MTF2: variants seen among roughly 807,000 people sequenced by gnomAD.
MTF2 encodes the protein metal response element binding transcription factor 2.
Under a neutral mutation model 79.5 loss-of-function variants are expected in MTF2, and 11 were observed. The ratio of observed to expected loss-of-function variants is 0.14; its 90% CI spans 0.09 to 0.23. The LOEUF is 0.23. MTF2 is among the 10% of genes least tolerant of loss of function. The pLI, the probability that MTF2 is intolerant of heterozygous loss-of-function variation, is 1.00. For missense variants in MTF2, 486 were observed against 711.2 expected (o/e 0.68, Z 3.60); for synonymous variants, 208 against 232.8 (o/e 0.89, Z 0.97).
At chr1:93,102,342 T>C (rs181920556) in intron 1 of MTF2, among the ~76,000 whole-genome samples, 71 of 152,226 alleles carry the variant, frequency 4.7e-4, no homozygotes, top group African/African-American at 1.4e-3. Flanking sequence ...CTCATGCTTA[T>C]AATCCCAGCA....
intron 5 of MTF2, 56 bp downstream of exon 5, chr1:93,115,144 A>G (rs1362255599): frequency 3.9e-6 from 5 of 1,290,216 alleles, no homozygotes; most frequent in African/African-American, 1.5e-5. Flanking sequence ...GACATTATCA[A>G]CATAATGATT....
Position 93,134,215 on chromosome 1 carries a change from A to T in MTF2, c.1424+20A>T, listed in dbSNP as rs896052736. 7.2e-6 allele frequency: 11 copies of T among 1,526,342 alleles called. No homozygotes were observed. The highest frequency in any genetic ancestry group is 5.7e-5 in the Admixed American group (3 of 52,820). The allele number at this position is 1,526,342 out of a possible 1,614,324, so 94.5% of individuals were successfully genotyped here. A position where few individuals can be genotyped will look rare whatever the true frequency, so the allele number is the denominator to read the frequency against. The stretch of plus-strand genomic sequence containing the variant: ...TTATGGGTAGATATTTTACATTCTT[A>T]TTTTTTTTACTTTTTTTACTCTAGA... On this transcript the variant is annotated intron_variant, in intron 14 of 14. Transcript: ENST00000370298.
intron 9 of MTF2, among the ~76,000 whole-genome samples, chr1:93,122,926 A>G (rs1055947413): frequency 6.6e-6 from 1 of 152,102 alleles, no homozygotes; most frequent in East Asian, 1.9e-4. Flanking sequence ...TTACTTTCAA[A>G]TGTTTGTAGT....
At position 93,136,722 on chromosome 1, in the gene MTF2, A is replaced by G. The variant is rs764649997; in HGVS notation, c.1477A>G (p.Ile493Val). Residue 493 changes from isoleucine (I) to valine (V), a missense_variant, in exon 15 of 15, where the codon ATA becomes GTA. This residue lies in a region of MTF2 where 209 missense variants were observed against 206.5 expected (regional missense o/e 1.01). Coordinates refer to ENST00000370298, the MANE Select transcript of MTF2 (RefSeq NM_007358.4). ...TRTGRSWPAA[I>V]PHLRRRRGRL... ...TACAGGAAGATCTTGGCCTGCTGCA[A>G]TACCACATTTGCGGAGAAGAAGAGG... 10 of 1,614,224 alleles carry G rather than the reference A, an allele frequency of 6.2e-6. No homozygotes were observed. In the East Asian group the frequency reaches 1.3e-4, roughly 22 times the overall value.
intron 3 of MTF2, among the ~76,000 whole-genome samples, chr1:93,111,367 C>T (rs901259403): frequency 3.3e-5 from 5 of 152,100 alleles, no homozygotes; most frequent in African/African-American, 1.2e-4. Context: ...CACTAAGACC[C>T]GTGTTTTGTG....
At chr1:93,082,720 A>G (rs770680123) in intron 1 of MTF2, among the ~76,000 whole-genome samples, 2 of 152,220 alleles carry the variant, frequency 1.3e-5, no homozygotes, top group Non-Finnish European at 2.9e-5. Flanking sequence ...TACATAATTC[A>G]CATGCATTCT....
At position 93,138,987 on chromosome 1, in the gene MTF2, A is replaced by G. The variant is rs1322678462; in HGVS notation, c.*1960A>G. ...CTGTTTTATTTTCTCATGGTGGTTC[A>G]CATGGCTCTGATGTTCAGTTTGTAT... On this transcript the variant is annotated 3_prime_UTR_variant, in exon 15 of 15. Transcript: ENST00000370298. 1.3e-5 allele frequency: 2 copies of G among 152,242 alleles called. No homozygotes were observed. Among genetic ancestry groups the G allele is most frequent in the African/African-American group, 4.8e-5 (2 of 41,468 alleles). 9.4% of individuals were successfully genotyped at this position (152,242 alleles called of 1,614,324 possible). A position where few individuals can be genotyped will look rare whatever the true frequency, so the allele number is the denominator to read the frequency against.
chr1:93,088,886 T>A (rs1028357723), intron 1 of MTF2, among the ~76,000 whole-genome samples: 13 of 152,096 alleles, frequency 8.5e-5, no homozygotes, highest in East Asian at 1.9e-4. Flanking sequence ...TTACAATTTT[T>A]AAAAAAATCT....
chr1:93,089,161 TG>T (rs1654970841), intron 1 of MTF2, among the ~76,000 whole-genome samples: 1 of 152,180 alleles, frequency 6.6e-6, no homozygotes, highest in Non-Finnish European at 1.5e-5. Context: ...AACTTGAGGT[TG>T]GGGAGGAGAA....
intron 1 of MTF2, among the ~76,000 whole-genome samples, chr1:93,109,817 G>T (rs1655959168): frequency 6.6e-6 from 1 of 152,116 alleles, no homozygotes; most frequent in Non-Finnish European, 1.5e-5. Flanking sequence ...GAAGTCACTG[G>T]TTAATGTGTC....
chr1:93,105,917 G>A (rs970045269), intron 1 of MTF2, among the ~76,000 whole-genome samples: 1 of 152,100 alleles, frequency 6.6e-6, no homozygotes, highest in East Asian at 1.9e-4. Context: ...CTCGTGATCT[G>A]CCCGACCCGT....
intron 6 of MTF2, 132 bp downstream of exon 6, chr1:93,115,750 ATC>A: frequency 1.6e-6 from 1 of 609,118 alleles, no homozygotes; most frequent in East Asian, 3.4e-5. Flanking sequence ...CAGGGGGAAA[ATC>A]TATTATTTTC....
chr1:93,089,007 C>T (rs571700290), intron 1 of MTF2, among the ~76,000 whole-genome samples: 101 of 152,172 alleles, frequency 6.6e-4, no homozygotes, highest in African/African-American at 1.6e-3. Flanking sequence ...GACTTTTTAT[C>T]GTACATTTTA....
At position 93,079,396 on chromosome 1, in the gene MTF2, G is replaced by C; in HGVS notation, c.-131G>C. The C allele has an allele frequency of 8.8e-7, 1 of 1,138,782 alleles. No individual in the cohort carries two copies. The highest frequency in any genetic ancestry group is 1.3e-6 in the Non-Finnish European group (1 of 758,888). The allele number at this position is 1,138,782 out of a possible 1,614,324, so 70.5% of individuals were successfully genotyped here. On this transcript the variant is annotated 5_prime_UTR_variant, in exon 1 of 15. Coordinates refer to ENST00000370298, the MANE Select transcript of MTF2 (RefSeq NM_007358.4). ...CTTGTCTCCAAGGACCTCGGTTTGT[G>C]CGTGCATATGTGCCGGGTACCCGGT...
rs544622598 is a variant in MTF2 at position 93,097,123 on chromosome 1, C to T, written c.6-13107C>T. On this transcript the variant is annotated intron_variant, in intron 1 of 14. Coordinates refer to ENST00000370298, the MANE Select transcript of MTF2 (RefSeq NM_007358.4). ...CTGCGCCTGGCCTAAAAGTATATGT[C>T]TTGATTTCCAAACTTTTAAGTTACC... Among the ~76,000 whole-genome samples, 8 of 152,106 alleles carry T rather than the reference C, an allele frequency of 5.3e-5. No homozygotes were observed. The South Asian group carries it at 1.7e-3, about 32-fold the overall frequency.
chr1:93,105,421 CAGAG>C (rs1306023518), intron 1 of MTF2, among the ~76,000 whole-genome samples: 4 of 152,246 alleles, frequency 2.6e-5, no homozygotes, highest in Non-Finnish European at 5.9e-5. Context: ...GGAGGGTGCC[CAGAG>C]AGAAGATTTA....
intron 1 of MTF2, among the ~76,000 whole-genome samples, chr1:93,080,292 C>G (rs1039923443): frequency 6.6e-6 from 1 of 152,026 alleles, no homozygotes; most frequent in Non-Finnish European, 1.5e-5. Flanking sequence ...GGAATTTTAA[C>G]CAATTTGCCA....
chr1:93,092,789 A>G lies in MTF2; in HGVS notation c.5+13258A>G, dbSNP rs534752729. 7.9e-4 allele frequency among the ~76,000 whole-genome samples: 120 copies of G among 152,332 alleles called. 1 individual carries two copies. Among genetic ancestry groups the G allele is most frequent in the African/African-American group, 2.2e-3 (91 of 41,576 alleles). On this transcript the variant is annotated intron_variant, in intron 1 of 14. Coordinates refer to ENST00000370298, the MANE Select transcript of MTF2 (RefSeq NM_007358.4). The stretch of plus-strand genomic sequence containing the variant: ...TCAGTATAGTTATATAAAACATTTT[A>G]AACTGTTTTCATTTGTGAGTATATA...
chr1:93,079,475 G>C lies in MTF2; in HGVS notation c.-52G>C. The C allele has an allele frequency of 6.2e-7, 1 of 1,613,372 alleles. No homozygotes were observed. On this transcript the variant is annotated 5_prime_UTR_variant, in exon 1 of 15. Transcript: ENST00000370298. ...TCGCAGGGGAAGCGCCCACGGGGACGGATTGGTTGTTTTTTCCTGTATGAA... is the reference window on the plus strand; with the variant it reads ...TCGCAGGGGAAGCGCCCACGGGGACCGATTGGTTGTTTTTTCCTGTATGAA...
Sources: allele counts gnomAD v4.1 joint callset (sites outside exome capture counted in the v4.1 genomes callset), GRCh38; gene constraint gnomAD v4.1.1; regional missense constraint gnomAD v4.1.1; transcripts MANE v1.5; gene names NCBI Gene and HGNC (gene_info 2026-07-23, HGNC 2026-07-21).